Variants in CD82 observed in about 807,000 individuals in gnomAD.
CD82 encodes the protein CD82 molecule.
A neutral mutation model predicts 37.4 loss-of-function variants in CD82; 36 were observed. The observed-to-expected ratio is 0.96, with a 90% CI of 0.74 to 1.27. CD82 has a LOEUF of 1.27. Ranked by LOEUF, CD82 falls within the 50% of genes most tolerant of loss-of-function variation. The probability of loss-of-function intolerance (pLI) is 0.00; values close to 1 mark genes in which losing one functional copy is unlikely to be tolerated. For synonymous variants in CD82, 158 were observed against 137.4 expected, an observed-to-expected ratio of 1.15 and a Z score of -1.05; for missense variants, 340 against 347.0, an observed-to-expected ratio of 0.98 and a Z score of 0.16.
chr11:44,589,044 G>A (rs570789240), intron 2 of CD82, among the ~76,000 whole-genome samples: 2 of 152,312 alleles, frequency 1.3e-5, no homozygotes, highest in South Asian at 2.1e-4. Context: ...ATCACCTGAG[G>A]TTAAGAGTTC....
Position 44,618,364 on chromosome 11 carries a change from A to G in CD82, c.641A>G (p.Glu214Gly), listed in dbSNP as rs1402610743. 1.2e-6 allele frequency: 2 copies of G among 1,612,108 alleles called. No individual in the cohort carries two copies. Among genetic ancestry groups the G allele is most frequent in the Non-Finnish European group, 1.7e-6 (2 of 1,179,606 alleles). The change falls in exon 8 of 10, where the codon GAG (glutamate) becomes GGG (glycine). Residue 214 changes from glutamate to glycine, a missense_variant and splice_region_variant. Glu to Gly is a moderately conservative substitution (Grantham distance 98). Coordinates refer to ENST00000227155, the MANE Select transcript of CD82 (RefSeq NM_002231.4). Reference sequence around the variant, plus strand: ...CCTGAGGACTGGCCTGTGTACCAGGAGGTGTGCGGGGGGCTGCGGATCGGG... The same window carrying G: ...CCTGAGGACTGGCCTGTGTACCAGGGGGTGTGCGGGGGGCTGCGGATCGGG... ...NHPEDWPVYQ[E>G]GCMEKVQAWL...
At chr11:44,587,268 A>G (rs1853069106) in intron 1 of CD82, 1 of 353,114 alleles carries the variant, frequency 2.8e-6, no homozygotes, top group Admixed American at 3.6e-5. Context: ...GCCCTCAGGT[A>G]GGTATAAGGA....
intron 1 of CD82, among the ~76,000 whole-genome samples, chr11:44,578,109 C>T (rs1407283331): frequency 6.6e-6 from 1 of 151,952 alleles, no homozygotes; most frequent in Non-Finnish European, 1.5e-5. Flanking sequence ...GGGGCCCAGG[C>T]GACCTGAGGG....
At chr11:44,580,233 C>G (rs536182786) in intron 1 of CD82, among the ~76,000 whole-genome samples, 1 of 152,182 alleles carries the variant, frequency 6.6e-6, no homozygotes, top group African/African-American at 2.4e-5. Context: ...GTGTTTTCAC[C>G]CAAGGATCTA....
chr11:44,572,588 G>A (rs573895453), intron 1 of CD82, among the ~76,000 whole-genome samples: 10 of 151,738 alleles, frequency 6.6e-5, no homozygotes, highest in Non-Finnish European at 1.2e-4. Flanking sequence ...TGGTAGGAGC[G>A]TCCATTGTCC....
chr11:44,580,731 A>C (rs1008111521), intron 1 of CD82, among the ~76,000 whole-genome samples: 1 of 152,168 alleles, frequency 6.6e-6, no homozygotes, highest in Admixed American at 6.5e-5. Context: ...GAAAAGAAAC[A>C]GTAAACAGAA....
intron 2 of CD82, chr11:44,587,929 C>A: frequency 4.0e-6 from 1 of 250,522 alleles, no homozygotes; most frequent in Non-Finnish European, 8.2e-6. Flanking sequence ...TGTGGCAGTC[C>A]CTCCATCTGT....
chr11:44,608,127 C>T (rs1056975331), intron 6 of CD82: 11 of 152,144 alleles, frequency 7.2e-5, no homozygotes, highest in Admixed American at 3.3e-4. Context: ...TTTCGCAACG[C>T]ATCATAAATC....
intron 2 of CD82, among the ~76,000 whole-genome samples, chr11:44,591,360 C>T (rs1297544247): frequency 6.6e-6 from 1 of 152,200 alleles, no homozygotes. Context: ...GTGCCTGATA[C>T]AATCTGTGTG....
At chr11:44,566,361 TG>T (rs1852734847) in intron 1 of CD82, 1 of 152,206 alleles carries the variant, frequency 6.6e-6, no homozygotes, top group Non-Finnish European at 1.5e-5. Flanking sequence ...GGTTGGAAAC[TG>T]GGGAACAGTT....
intron 3 of CD82, chr11:44,596,890 G>A (rs1004748627): frequency 3.5e-5 from 16 of 456,092 alleles, no homozygotes; most frequent in Admixed American, 1.2e-4. Flanking sequence ...TCAAATGCAT[G>A]AAAAATTGCA....
intron 7 of CD82, among the ~76,000 whole-genome samples, chr11:44,615,645 C>G (rs951291773): frequency 2.0e-5 from 3 of 152,184 alleles, no homozygotes; most frequent in Non-Finnish European, 2.9e-5. Context: ...TTATCTCAAG[C>G]TACACTGGGG....
intron 1 of CD82, among the ~76,000 whole-genome samples, chr11:44,575,140 A>G (rs935131763): frequency 2.0e-5 from 3 of 152,130 alleles, no homozygotes; most frequent in Non-Finnish European, 2.9e-5. Flanking sequence ...CCCTGGTGCT[A>G]GTTGGCCTAC....
chr11:44,607,330 T>A (rs1419549928), intron 6 of CD82, among the ~76,000 whole-genome samples: 1 of 152,236 alleles, frequency 6.6e-6, no homozygotes, highest in African/African-American at 2.4e-5. Flanking sequence ...ATTTTGTAGA[T>A]GAAAAGCAGC....
intron 2 of CD82, chr11:44,587,892 C>G (rs543499670): frequency 3.6e-6 from 1 of 275,694 alleles, no homozygotes; most frequent in East Asian, 8.1e-5. Flanking sequence ...TTCAGGTGGC[C>G]GAGAACTTGA....
Position 44,603,969 on chromosome 11 carries a change from T to A in CD82, c.137-1089T>A, listed in dbSNP as rs1853351774. 2.0e-5 allele frequency among the ~76,000 whole-genome samples: 3 copies of A among 152,242 alleles called. No homozygotes were observed. The South Asian group carries it at 6.2e-4, about 32-fold the overall frequency. Reference sequence around the variant, plus strand: ...TCCTCAGGCCTTTGCACCTGCTGTGTTCCCTGCCTGGAATGCTTTTCTTAC... The same window carrying A: ...TCCTCAGGCCTTTGCACCTGCTGTGATCCCTGCCTGGAATGCTTTTCTTAC... On this transcript the variant is annotated intron_variant, in intron 4 of 9. Transcript: ENST00000227155.
chr11:44,567,268 G>T (rs772219814), intron 1 of CD82, among the ~76,000 whole-genome samples: 1 of 152,184 alleles, frequency 6.6e-6, no homozygotes, highest in Non-Finnish European at 1.5e-5. Context: ...CGCTGAAGGT[G>T]CTGCATTATA....
Position 44,597,570 on chromosome 11 carries a change from T to C in CD82, c.64-2588T>C, listed in dbSNP as rs1853247471. 6.6e-6 allele frequency among the ~76,000 whole-genome samples: 1 copy of C among 152,206 alleles called. No individual in the cohort carries two copies. On this transcript the variant is annotated intron_variant, in intron 3 of 9. Coordinates refer to ENST00000227155, the MANE Select transcript of CD82 (RefSeq NM_002231.4). The surrounding 1 kb of genome is among the most constrained non-coding windows in gnomAD (Gnocchi z 4.1). ...GACTGAATGGGTAGCCCCGGGGACT[T>C]TGCTCTCTGGGTTCCTCTTGGCAAG...
At chr11:44,584,993 C>T in intron 1 of CD82, 1 of 344,318 alleles carries the variant, frequency 2.9e-6, no homozygotes, top group Non-Finnish European at 5.8e-6. Context: ...CCCGACTGGG[C>T]AGACCGAGCT....
Sources: allele counts gnomAD v4.1 joint callset (sites outside exome capture counted in the v4.1 genomes callset), GRCh38; gene constraint gnomAD v4.1.1; non-coding constraint Gnocchi (gnomAD v3.1); transcripts MANE v1.5; gene names NCBI Gene and HGNC (gene_info 2026-07-23, HGNC 2026-07-21).